The following TFDP2 variants were observed in gnomAD, a reference collection of about 807,000 sequenced individuals.
TFDP2 encodes the protein transcription factor Dp-2 (E2F dimerization partner 2).
A neutral mutation model predicts 59.3 loss-of-function variants in TFDP2; 17 were observed. That is an observed-to-expected ratio of 0.29 (90% confidence interval 0.20 to 0.43). TFDP2 has a LOEUF of 0.43. Among genes scored for constraint, TFDP2 ranks in the 20% least tolerant of loss-of-function variants. The pLI, the probability that TFDP2 is intolerant of heterozygous loss-of-function variation, is 1.00. For synonymous variants in TFDP2, 180 were observed against 194.7 expected, an observed-to-expected ratio of 0.92 and a Z score of 0.63; for missense variants, 391 against 528.8, an observed-to-expected ratio of 0.74 and a Z score of 2.56.
intron 9 of TFDP2, among the ~76,000 whole-genome samples, chr3:141,964,728 C>T (rs1398560367): frequency 6.6e-6 from 1 of 152,122 alleles, no homozygotes; most frequent in African/African-American, 2.4e-5. Context: ...AGGCCAGGTC[C>T]TAAGCTCTGC....
chr3:141,985,177 C>T (rs1941948920), intron 6 of TFDP2, among the ~76,000 whole-genome samples: 1 of 151,658 alleles, frequency 6.6e-6, no homozygotes, highest in African/African-American at 2.4e-5. Context: ...AATAATAAAC[C>T]CAGGCTTGTT....
intron 1 of TFDP2, among the ~76,000 whole-genome samples, chr3:142,104,226 A>T (rs996751335): frequency 2.6e-4 from 40 of 152,346 alleles, no homozygotes; most frequent in African/African-American, 9.6e-4. Context: ...ACATTTATCA[A>T]TTATTTCTTA....
chr3:142,145,800 A>G (rs1340915375), intron 1 of TFDP2, among the ~76,000 whole-genome samples: 1 of 152,212 alleles, frequency 6.6e-6, no homozygotes, highest in African/African-American at 2.4e-5. Context: ...AATATAGTAT[A>G]GTTTCACTAA....
intron 11 of TFDP2, among the ~76,000 whole-genome samples, chr3:141,958,278 AT>A (rs1324329898): frequency 1.3e-5 from 2 of 152,236 alleles, no homozygotes; most frequent in African/African-American, 4.8e-5. Flanking sequence ...GCTGTGATGT[AT>A]TCATATAATG....
chr3:142,141,077 G>A (rs1219479058), intron 1 of TFDP2, among the ~76,000 whole-genome samples: 3 of 152,120 alleles, frequency 2.0e-5, no homozygotes, highest in Non-Finnish European at 2.9e-5. Flanking sequence ...CAGCAATGGC[G>A]GACACCCCTC....
At chr3:142,022,405 C>A (rs1328563888) in intron 3 of TFDP2, among the ~76,000 whole-genome samples, 1 of 152,136 alleles carries the variant, frequency 6.6e-6, no homozygotes, top group African/African-American at 2.4e-5. Flanking sequence ...GTCTGAGTGA[C>A]CCTTATTTCT....
At chr3:142,005,699 A>G (rs1193240144) in intron 3 of TFDP2, among the ~76,000 whole-genome samples, 155 bp from the exon 4 acceptor site, 1 of 152,232 alleles carries the variant, frequency 6.6e-6, no homozygotes, top group Non-Finnish European at 1.5e-5. Flanking sequence ...CTGAAAAGTC[A>G]TACTAATGAC....
At chr3:142,040,890 C>T (rs1026170846) in intron 3 of TFDP2, among the ~76,000 whole-genome samples, 1 of 151,902 alleles carries the variant, frequency 6.6e-6, no homozygotes, top group Non-Finnish European at 1.5e-5. Flanking sequence ...GATGACAGAG[C>T]AAGACCTTTT....
rs981574828 is a variant in TFDP2, at chr3:141,952,268, T to C, written c.*245A>G. On this transcript the variant is annotated 3_prime_UTR_variant, in exon 13 of 13. Transcript: ENST00000489671. ...TTCAGGGATTATCCCCACTATCTCC[T>C]CAGAAAGCATGCTTTCTTTGTTATA... 2 of 376,752 alleles carry C rather than the reference T, an allele frequency of 5.3e-6. No individual in the cohort carries two copies. The highest frequency in any genetic ancestry group is 9.3e-6 in the Non-Finnish European group (2 of 214,704). The allele number at this position is 376,752 out of a possible 1,614,324, so 23.3% of individuals were successfully genotyped here.
chr3:141,965,559 G>A (rs1197951658), intron 9 of TFDP2, among the ~76,000 whole-genome samples: 10 of 135,866 alleles, frequency 7.4e-5, no homozygotes, highest in African/African-American at 2.2e-4. Context: ...GGGGAAGGGG[G>A]AGGGGAAGGG....
At chr3:141,986,842 T>G (rs939626730) in intron 6 of TFDP2, among the ~76,000 whole-genome samples, 1 of 152,208 alleles carries the variant, frequency 6.6e-6, no homozygotes, top group South Asian at 2.1e-4. Flanking sequence ...GCCATTCTGA[T>G]GGATGTAAAG....
At chr3:142,071,974 T>C (rs2060264050) in intron 3 of TFDP2, among the ~76,000 whole-genome samples, 1 of 152,060 alleles carries the variant, frequency 6.6e-6, no homozygotes, top group Non-Finnish European at 1.5e-5. Context: ...TACATATACA[T>C]AACAGATGAC....
intron 1 of TFDP2, among the ~76,000 whole-genome samples, chr3:142,125,046 T>A (rs7610920): frequency 0.3 from 45,689 of 151,174 alleles, 8,625 homozygotes; most frequent in African/African-American, 0.53. Context: ...AAAAAAAAAA[T>A]TTTTTTTAAA....
intron 1 of TFDP2, among the ~76,000 whole-genome samples, chr3:142,128,448 A>G (rs1480111620): frequency 6.6e-6 from 1 of 152,180 alleles, no homozygotes; most frequent in Non-Finnish European, 1.5e-5. Context: ...TCCAAGAGAA[A>G]AGACCTGCAA....
chr3:141,957,147 T>C (rs2107856851), intron 11 of TFDP2, among the ~76,000 whole-genome samples: 1 of 151,942 alleles, frequency 6.6e-6, no homozygotes, highest in East Asian at 1.9e-4. Flanking sequence ...TGAAATCCTG[T>C]CTCTACTAAA....
rs1192178508 is a variant in TFDP2 at position 141,970,145 on chromosome 3, TAA to T, written c.664-6_664-5del. ...CTATCCGCCTCTGCTTCTCTATCTT[TAA>T]AACATTGGTTACAAAATAATATGAA... On this transcript the variant is annotated splice_polypyrimidine_tract_variant and splice_region_variant and intron_variant, in intron 8 of 12. Transcript: ENST00000489671. 6.2e-7 allele frequency: 1 copy of T among 1,613,880 alleles called. No individual in the cohort carries two copies. Among genetic ancestry groups the T allele is most frequent in the African/African-American group, 1.3e-5 (1 of 75,048 alleles).
chr3:141,977,126 TTTC>T (rs1171082535), intron 7 of TFDP2, among the ~76,000 whole-genome samples: 3 of 114,870 alleles, frequency 2.6e-5, no homozygotes, highest in Admixed American at 8.5e-5. Flanking sequence ...TTTTTTTTTT[TTTC>T]CCCCCAAAGA....
At chr3:142,023,821 T>A (rs1400819398) in intron 3 of TFDP2, among the ~76,000 whole-genome samples, 1 of 152,186 alleles carries the variant, frequency 6.6e-6, no homozygotes, top group Non-Finnish European at 1.5e-5. Flanking sequence ...AAATTTTTTT[T>A]GAGACAGGGT....
At chr3:141,968,809 TATAG>T (rs1294125510) in intron 9 of TFDP2, among the ~76,000 whole-genome samples, 2 of 83,252 alleles carry the variant, frequency 2.4e-5, no homozygotes, top group African/African-American at 5.3e-5. Context: ...ATATCTCATA[TATAG>T]ATATATATAA....
Sources: gnomAD v4.1 joint callset for allele counts (sites outside exome capture counted in the v4.1 genomes callset) on GRCh38, gnomAD v4.1.1 for gene constraint, MANE v1.5 for transcripts, NCBI Gene and HGNC (gene_info 2026-07-23, HGNC 2026-07-21) for gene names.